The following DRC2 variants were observed in gnomAD, a reference collection of about 807,000 sequenced individuals.
The protein encoded by DRC2 is dynein regulatory complex subunit 2, also known as coiled-coil domain containing 65.
the DRC2 span, chr12:48,914,273 G>T: frequency 1.1e-6 from 1 of 891,520 alleles, no homozygotes; most frequent in East Asian, 2.6e-5. Flanking sequence ...AAGAGTGAGG[G>T]GGACAGCCAG....
At chr12:48,907,932 C>T in the DRC2 span, among the ~76,000 whole-genome samples, 17 of 152,076 alleles carry the variant, frequency 1.1e-4, no homozygotes, top group African/African-American at 3.9e-4. Context: ...CAATCTTACA[C>T]ATTACCCTGG....
chr12:48,918,873 C>A, the DRC2 span: 1 of 1,613,814 alleles, frequency 6.2e-7, no homozygotes, highest in Non-Finnish European at 8.5e-7. Context: ...GTAATGCCAC[C>A]CTCAAGGCCC....
the DRC2 span, chr12:48,914,500 C>T: frequency 3.7e-6 from 6 of 1,614,086 alleles, no homozygotes; most frequent in East Asian, 2.2e-5. Flanking sequence ...CCTGCAGAGG[C>T]ACCGGCTCAG....
the DRC2 span, among the ~76,000 whole-genome samples, chr12:48,916,783 A>C: frequency 1.3e-5 from 2 of 152,326 alleles, no homozygotes; most frequent in East Asian, 3.9e-4. Context: ...ACCCATTCAG[A>C]AATCAAAATA....
At chr12:48,909,459 T>A in the DRC2 span, among the ~76,000 whole-genome samples, 1 of 152,216 alleles carries the variant, frequency 6.6e-6, no homozygotes, top group East Asian at 1.9e-4. Context: ...CCTGGCAAAC[T>A]TTCTTATTAT....
chr12:48,918,985 G>T, the DRC2 span: 1 of 1,109,340 alleles, frequency 9.0e-7, no homozygotes. Flanking sequence ...AAAGGATAGC[G>T]GGGGCTTCTT....
At chr12:48,914,978 T>C in the DRC2 span, among the ~76,000 whole-genome samples, 2 of 152,024 alleles carry the variant, frequency 1.3e-5, no homozygotes, top group African/African-American at 4.8e-5. Flanking sequence ...CCTGCCTCAG[T>C]GTCCCCAGTA....
At chr12:48,918,358 G>C in the DRC2 span, 1 of 1,614,186 alleles carries the variant, frequency 6.2e-7, no homozygotes, top group Non-Finnish European at 8.5e-7. Flanking sequence ...ATGTACTCAA[G>C]AATTACACTG....
the DRC2 span, chr12:48,918,872 CCCT>C: frequency 1.2e-6 from 2 of 1,613,838 alleles, no homozygotes; most frequent in Non-Finnish European, 1.7e-6. Flanking sequence ...AGTAATGCCA[CCCT>C]CAAGGCCCTG....
the DRC2 span, among the ~76,000 whole-genome samples, chr12:48,917,275 T>G: frequency 7.9e-6 from 1 of 127,102 alleles, no homozygotes; most frequent in African/African-American, 3.0e-5. Flanking sequence ...ACATAGGGAG[T>G]CCCCCCCATC....
the DRC2 span, among the ~76,000 whole-genome samples, chr12:48,908,600 TA>T: frequency 2.7e-5 from 3 of 111,920 alleles, no homozygotes; most frequent in Non-Finnish European, 5.5e-5. Flanking sequence ...TTATTATTAT[TA>T]TTATTATTTA....
chr12:48,904,449 TC>T, the DRC2 span: 1 of 1,613,966 alleles, frequency 6.2e-7, no homozygotes, highest in Non-Finnish European at 8.5e-7. Context: ...AAGGAGAGGC[TC>T]CTCAGCCAGT....
the DRC2 span, among the ~76,000 whole-genome samples, chr12:48,909,534 G>A: frequency 1.3e-5 from 2 of 151,936 alleles, no homozygotes; most frequent in African/African-American, 4.8e-5. Context: ...CTGGAGTGCA[G>A]TGGAGCGATC....
the DRC2 span, among the ~76,000 whole-genome samples, chr12:48,911,582 A>T: frequency 6.6e-6 from 1 of 150,970 alleles, no homozygotes; most frequent in South Asian, 2.1e-4. Flanking sequence ...AGAAATAGAG[A>T]TGGGGTCTGG....
chr12:48,917,325 G>A, the DRC2 span, among the ~76,000 whole-genome samples: 4 of 138,252 alleles, frequency 2.9e-5, no homozygotes, highest in South Asian at 2.2e-4. Flanking sequence ...ATAGCCAGGC[G>A]TGGTAGTGTG....
the DRC2 span, among the ~76,000 whole-genome samples, chr12:48,915,246 G>A: frequency 1.3e-5 from 2 of 150,672 alleles, no homozygotes; most frequent in East Asian, 3.9e-4. Flanking sequence ...TTCCTAGGCA[G>A]AGGACCCTGC....
chr12:48,904,387 G>A, the DRC2 span: 68 of 1,614,134 alleles, frequency 4.2e-5, no homozygotes, highest in South Asian at 4.8e-4. Context: ...ATGAGAAGCA[G>A]CTGCTTCTGT....
chr12:48,905,017 C>T, the DRC2 span: 1 of 1,614,008 alleles, frequency 6.2e-7, no homozygotes, highest in East Asian at 2.2e-5. Context: ...GGAGAACTGT[C>T]CTTCGGGAAG....
chr12:48,904,517 C>G, the DRC2 span: 1 of 1,578,472 alleles, frequency 6.3e-7, no homozygotes, highest in Non-Finnish European at 8.6e-7. Context: ...CACCCCCTGC[C>G]CTGGCCCTGT....
Sources: allele counts gnomAD v4.1 joint callset (sites outside exome capture counted in the v4.1 genomes callset), GRCh38; gene constraint gnomAD v4.1.1; transcripts MANE v1.5; gene names NCBI Gene and HGNC (gene_info 2026-07-23, HGNC 2026-07-21).